Variants in RSAD1 observed in about 807,000 individuals in gnomAD.
RSAD1 encodes radical S-adenosyl methionine domain-containing protein 1, mitochondrial.
In RSAD1, 34 loss-of-function variants were observed where a neutral mutation model predicts 46.2. The observed-to-expected ratio is 0.74, with a 90% CI of 0.56 to 0.98. The LOEUF is 0.98. Among genes scored for constraint, RSAD1 ranks in the 50% least tolerant of loss-of-function variants. The pLI is 0.00. For missense variants in RSAD1, 635 were observed against 592.3 expected, an observed-to-expected ratio of 1.07 and a Z score of -0.75; for synonymous variants, 260 against 253.5, an observed-to-expected ratio of 1.03 and a Z score of -0.24.
At chr17:50,484,702 G>T in intron 8 of RSAD1, 42 bp from the exon 9 acceptor site, 5 of 1,581,430 alleles carry the variant, frequency 3.2e-6, no homozygotes, top group Non-Finnish European at 4.3e-6. Context: ...GCTTGAAATT[G>T]GTAAGATGAA....
intron 6 of RSAD1, 66 bp from the exon 7 acceptor site, chr17:50,483,640 T>C: frequency 6.2e-7 from 1 of 1,601,974 alleles, no homozygotes. Flanking sequence ...CATCCCAGTG[T>C]AGAATTTGGA....
chr17:50,479,229 G>C (rs2033348382), intron 1 of RSAD1: 7 of 528,642 alleles, frequency 1.3e-5, no homozygotes, highest in Non-Finnish European at 2.1e-5. Flanking sequence ...CACCGGCTCG[G>C]TGACTCTGAC....
intron 8 of RSAD1, 48 bp downstream of exon 8, chr17:50,484,593 C>T: frequency 6.3e-7 from 1 of 1,578,788 alleles, no homozygotes; most frequent in Admixed American, 1.7e-5. Flanking sequence ...TACCAGGGAG[C>T]CCTGACTACA....
rs901905521 is a variant in RSAD1 at position 50,478,888 on chromosome 17, G to T, written c.4G>T (p.Ala2Ser). 2 of 1,306,986 alleles carry T rather than the reference G, an allele frequency of 1.5e-6. No individual in the cohort carries two copies. The highest frequency in any genetic ancestry group is 1.9e-6 in the Non-Finnish European group (2 of 1,035,290). 81.0% of individuals were successfully genotyped at this position (1,306,986 alleles called of 1,614,324 possible). The change falls in exon 1 of 9, where the codon GCG (alanine) becomes TCG (serine). Residue 2 changes from alanine to serine, a missense_variant. Physicochemically the swap from Ala to Ser is moderately conservative, Grantham distance 99. Coordinates refer to ENST00000258955, the MANE Select transcript of RSAD1 (RefSeq NM_018346.3). ...GCGCCGCGCTGCGCTGGGCGCCATG[G>T]CGCTCCCCGGAGCCCGGGCTCGCGG... M[A>S]LPGARARGWA...
chr17:50,483,192 A>AT, intron 5 of RSAD1, 148 bp from the exon 6 acceptor site: 6 of 702,258 alleles, frequency 8.5e-6, no homozygotes, highest in South Asian at 3.3e-5. Flanking sequence ...AAAAAAAAAA[A>AT]GAAAGAAAGA....
chr17:50,484,077 C>T (rs941744890), intron 7 of RSAD1: 2 of 453,628 alleles, frequency 4.4e-6, no homozygotes, highest in Admixed American at 8.0e-5. Context: ...AGGGTTTCCA[C>T]TTGTTTTTAG....
chr17:50,478,969 G>A lies in RSAD1; in HGVS notation c.85G>A (p.Gly29Arg). The change falls in exon 1 of 9, where the codon GGG becomes AGG. Residue 29 changes from glycine (G) to arginine (R), a missense_variant. Physicochemically the swap from Gly to Arg is moderately radical, Grantham distance 125 (BLOSUM62 -2). Coordinates refer to ENST00000258955, the MANE Select transcript of RSAD1 (RefSeq NM_018346.3). The part of the protein sequence containing the change: ...QRRRRVENAG[G>R]SPSPEPAGRR... ...GCGCCGCCGCGTGGAGAACGCAGGA[G>A]GGTCCCCGAGTCCTGAGCCTGCGGG... The A allele has an allele frequency of 7.1e-7, 1 of 1,403,130 alleles. No individual in the cohort carries two copies. The highest frequency in any genetic ancestry group is 1.6e-5 in the South Asian group (1 of 62,710). 86.9% of individuals were successfully genotyped at this position (1,403,130 alleles called of 1,614,324 possible).
At position 50,482,386 on chromosome 17, in the gene RSAD1, A is replaced by C. The variant is rs140459309; in HGVS notation, c.770A>C (p.Tyr257Ser). 2.3e-4 allele frequency: 364 copies of C among 1,605,100 alleles called. 2 individuals carry two copies. In the African/African-American group the frequency reaches 2.8e-3, roughly 13 times the overall value. ...APDPELAAEM[Y>S]QRGRAVLREA... ...GACCCGGAGCTCGCAGCTGAGATGTACCAGAGGGGCCGGGCTGTCCTTCGG... is the reference window on the plus strand; with the variant it reads ...GACCCGGAGCTCGCAGCTGAGATGTCCCAGAGGGGCCGGGCTGTCCTTCGG... Residue 257 changes from tyrosine to serine, a missense_variant, in exon 4 of 9, where the codon TAC becomes TCC. Physicochemically the swap from Tyr to Ser is moderately radical, Grantham distance 144. Coordinates refer to ENST00000258955, the MANE Select transcript of RSAD1 (RefSeq NM_018346.3).
rs1262982168 is a variant in RSAD1 at position 50,485,894 on chromosome 17, G to A, written c.*1033G>A. ...AATTCGGGAAAGACCCAAAGTGTTTGTAATTCTTCTTTGTCCTTTTACCTA... is the reference window on the plus strand; with the variant it reads ...AATTCGGGAAAGACCCAAAGTGTTTATAATTCTTCTTTGTCCTTTTACCTA... On this transcript the variant is annotated 3_prime_UTR_variant, in exon 9 of 9. Coordinates refer to ENST00000258955, the MANE Select transcript of RSAD1 (RefSeq NM_018346.3). The A allele has an allele frequency of 6.6e-6, 1 of 152,166 alleles. No individual in the cohort carries two copies. Among genetic ancestry groups the A allele is most frequent in the Non-Finnish European group, 1.5e-5 (1 of 68,036 alleles). 9.4% of individuals were successfully genotyped at this position (152,166 alleles called of 1,614,324 possible). A position where few individuals can be genotyped will look rare whatever the true frequency, so the allele number is the denominator to read the frequency against.
Position 50,479,647 on chromosome 17 carries a change from C to G in RSAD1, c.154C>G (p.Arg52Gly), listed in dbSNP as rs201163338. ...LYVHWPYCEK[R>G]CSYCNFNKYI... The stretch of plus-strand genomic sequence containing the variant: ...CCCCCAGTGGCCTTACTGCGAGAAG[C>G]GCTGCAGTTACTGCAACTTCAACAA... The change falls in exon 2 of 9, where the codon CGC (arginine) becomes GGC (glycine). Residue 52 changes from arginine (R) to glycine (G), a missense_variant. Arg to Gly is a moderately radical substitution (Grantham distance 125). Transcript: ENST00000258955. The G allele has an allele frequency of 1.2e-6, 2 of 1,613,820 alleles. No individual in the cohort carries two copies. Among genetic ancestry groups the G allele is most frequent in the Non-Finnish European group, 1.7e-6 (2 of 1,180,046 alleles).
chr17:50,484,845 C>T lies in RSAD1; in HGVS notation c.1313C>T (p.Pro438Leu), dbSNP rs759473250. Residue 438 changes from proline to leucine, a missense_variant, in exon 9 of 9, where the codon CCT becomes CTT. Transcript: ENST00000258955. The part of the protein sequence containing the change: ...QEAWQQRTPS[P>L]VPGG Reference sequence around the variant, plus strand: ...GCCTGGCAGCAGAGAACCCCCTCCCCTGTGCCAGGAGGATGACAAAAATGT... The same window carrying T: ...GCCTGGCAGCAGAGAACCCCCTCCCTTGTGCCAGGAGGATGACAAAAATGT... The T allele has an allele frequency of 1.9e-5, 31 of 1,613,806 alleles. No homozygotes were observed. In the Admixed American group the frequency reaches 2.8e-4, roughly 15 times the overall value.
At chr17:50,484,173 C>G in intron 7 of RSAD1, 1 of 504,694 alleles carries the variant, frequency 2.0e-6, no homozygotes, top group Admixed American at 3.5e-5. Context: ...AGCCATAAAG[C>G]CCTGGCTAGA....
chr17:50,478,921 G>A lies in RSAD1; in HGVS notation c.37G>A (p.Ala13Thr). 2 of 1,342,546 alleles carry A rather than the reference G, an allele frequency of 1.5e-6. No homozygotes were observed. Among genetic ancestry groups the A allele is most frequent in the Non-Finnish European group, 1.9e-6 (2 of 1,053,984 alleles). 83.2% of individuals were successfully genotyped at this position (1,342,546 alleles called of 1,614,324 possible). A position where few individuals can be genotyped will look rare whatever the true frequency, so the allele number is the denominator to read the frequency against. ...LPGARARGWAAAARAAQRRRR... is the reference protein window; with the variant it reads ...LPGARARGWATAARAAQRRRR... ...CGGAGCCCGGGCTCGCGGCTGGGCG[G>A]CAGCAGCCAGAGCGGCCCAGAGGCG... Residue 13 changes from alanine to threonine, a missense_variant, in exon 1 of 9, where the codon GCA becomes ACA. Physicochemically the swap from Ala to Thr is moderately conservative, Grantham distance 58. Coordinates refer to ENST00000258955, the MANE Select transcript of RSAD1 (RefSeq NM_018346.3).
chr17:50,485,150 A>G lies in RSAD1; in HGVS notation c.*289A>G. On this transcript the variant is annotated 3_prime_UTR_variant, in exon 9 of 9. Transcript: ENST00000258955. ...CTGTTTACCTTTTTGGCATCAAATA[A>G]TGAACAGTGTTTGGAAATCTTTCTA... The G allele has an allele frequency of 2.3e-6, 1 of 442,626 alleles. No individual in the cohort carries two copies. The highest frequency in any genetic ancestry group is 4.1e-6 in the Non-Finnish European group (1 of 246,278). The allele number at this position is 442,626 out of a possible 1,614,324, so 27.4% of individuals were successfully genotyped here.
intron 7 of RSAD1, 50 bp downstream of exon 7, chr17:50,483,810 A>G: frequency 6.5e-7 from 1 of 1,533,408 alleles, no homozygotes; most frequent in Non-Finnish European, 8.9e-7. Flanking sequence ...GTCTTGCAGA[A>G]TCAATGCCCC....
Position 50,484,713 on chromosome 17 carries a change from G to A in RSAD1, c.1212-31G>A, listed in dbSNP as rs1287304884. On this transcript the variant is annotated intron_variant, in intron 8 of 8. Coordinates refer to ENST00000258955, the MANE Select transcript of RSAD1 (RefSeq NM_018346.3). Reference sequence around the variant, plus strand: ...ATGGGCTTGAAATTGGTAAGATGAAGTAGTCACCTTCAGGCCTCTTGGTTT... The same window carrying A: ...ATGGGCTTGAAATTGGTAAGATGAAATAGTCACCTTCAGGCCTCTTGGTTT... 1.9e-6 allele frequency: 3 copies of A among 1,593,904 alleles called. No individual in the cohort carries two copies. In the South Asian group the frequency reaches 3.3e-5, roughly 18 times the overall value.
chr17:50,479,007 G>A lies in RSAD1; in HGVS notation c.123G>A (p.Ala41=), dbSNP rs1384298811. ...CTGAGCCTGCGGGCCGGCGCGCGGCGCTTTACGTACACGTGAGTAGGGGCG... is the reference window on the plus strand; with the variant it reads ...CTGAGCCTGCGGGCCGGCGCGCGGCACTTTACGTACACGTGAGTAGGGGCG... ...PSPEPAGRRA[A]LYVHWPYCEK... Residue 41 remains alanine, a synonymous_variant, in exon 1 of 9, where the codon GCG becomes GCA. Transcript: ENST00000258955. The A allele has an allele frequency of 7.3e-7, 1 of 1,366,738 alleles. No homozygotes were observed. The highest frequency in any genetic ancestry group is 1.9e-5 in the South Asian group (1 of 53,744). 84.7% of individuals were successfully genotyped at this position (1,366,738 alleles called of 1,614,324 possible). A position where few individuals can be genotyped will look rare whatever the true frequency, so the allele number is the denominator to read the frequency against.
chr17:50,480,133 C>A, intron 3 of RSAD1, 49 bp downstream of exon 3: 1 of 1,575,372 alleles, frequency 6.3e-7, no homozygotes, highest in South Asian at 1.1e-5. Context: ...CCTTCAGTGC[C>A]ATCTCCTCTT....
chr17:50,482,885 C>T (rs1218870826), intron 5 of RSAD1, among the ~76,000 whole-genome samples, 179 bp downstream of exon 5: 2 of 152,034 alleles, frequency 1.3e-5, no homozygotes, highest in African/African-American at 2.4e-5. Flanking sequence ...TTGCACCTTG[C>T]ACTAGGGTTC....
Sources: gnomAD v4.1 joint callset for allele counts (sites outside exome capture counted in the v4.1 genomes callset) on GRCh38, gnomAD v4.1.1 for gene constraint, MANE v1.5 for transcripts, NCBI Gene and HGNC (gene_info 2026-07-23, HGNC 2026-07-21) for gene names.